The following HYDIN variants were observed in gnomAD, a reference collection of about 807,000 sequenced individuals.
HYDIN encodes the protein axonemal central pair apparatus protein HYDIN.
In HYDIN, 132 loss-of-function variants were observed where a neutral mutation model predicts 403.9. The ratio of observed to expected loss-of-function variants is 0.33; its 90% CI spans 0.28 to 0.38. The LOEUF (loss-of-function observed/expected upper bound fraction) is 0.38, where lower values mean the gene tolerates loss of function less well. Ranked by LOEUF, HYDIN falls within the 10% of genes least tolerant of loss-of-function variation. The probability of loss-of-function intolerance (pLI) is 1.00; values close to 1 mark genes in which losing one functional copy is unlikely to be tolerated. For synonymous variants in HYDIN, 1,202 were observed against 1,891.7 expected, an observed-to-expected ratio of 0.64 and a Z score of 9.46; for missense variants, 2,827 against 5,009.5, an observed-to-expected ratio of 0.56 and a Z score of 13.15.
At chr16:71,001,928 T>C (rs908632667) in intron 23 of HYDIN, among the ~76,000 whole-genome samples, 2 of 152,270 alleles carry the variant, frequency 1.3e-5, no homozygotes, top group African/African-American at 2.4e-5. Flanking sequence ...TAGTTGTAAA[T>C]GTTTTAATTT....
chr16:71,158,825 G>C (rs868112133), intron 6 of HYDIN, among the ~76,000 whole-genome samples: 2 of 150,316 alleles, frequency 1.3e-5, no homozygotes, highest in Non-Finnish European at 3.0e-5. Flanking sequence ...GGAACTGCAG[G>C]TATGGACCAC....
chr16:71,154,264 A>T (rs1567382796), intron 6 of HYDIN, among the ~76,000 whole-genome samples: 1 of 151,706 alleles, frequency 6.6e-6, no homozygotes, highest in Non-Finnish European at 1.5e-5. Context: ...TTAAGTTTTA[A>T]AAAAAAATTT....
chr16:70,864,382 A>C (rs1436460246), intron 67 of HYDIN, among the ~76,000 whole-genome samples: 15 of 112,976 alleles, frequency 1.3e-4, no homozygotes, highest in Middle Eastern at 4.5e-3. Context: ...AAAAAAAAAA[A>C]AAAACAGGGA....
chr16:71,145,343 C>A (rs1270974681), intron 7 of HYDIN, among the ~76,000 whole-genome samples: 21 of 151,942 alleles, frequency 1.4e-4, no homozygotes, highest in African/African-American at 5.1e-4. Flanking sequence ...TAACCTCCGA[C>A]TCCCTGGTTC....
chr16:71,210,610 C>T (rs1045219219), intron 1 of HYDIN, among the ~76,000 whole-genome samples: 5 of 151,808 alleles, frequency 3.3e-5, no homozygotes, highest in East Asian at 1.9e-4. Context: ...CCCCAAATCA[C>T]GAGTTTCTTA....
intron 53 of HYDIN, among the ~76,000 whole-genome samples, chr16:70,896,540 G>C (rs553987206): frequency 1.7e-3 from 257 of 151,902 alleles, no homozygotes; most frequent in African/African-American, 5.9e-3. Flanking sequence ...GTTTTTTATA[G>C]AGATGGGGTT....
At position 71,098,733 on chromosome 16, in the gene HYDIN, TAA is replaced by T. The variant is rs56001948; in HGVS notation, c.1328-4800_1328-4799del. ...CATCTGTTACCTTGACTGCCTTTCTTAAAAAAAAAAAAAAAAAAAAAAAGGAG... is the reference window on the plus strand; with the variant it reads ...CATCTGTTACCTTGACTGCCTTTCTTAAAAAAAAAAAAAAAAAAAAAGGAG... On this transcript the variant is annotated intron_variant, in intron 10 of 85. Transcript: ENST00000393567. Among the ~76,000 whole-genome samples the T allele has an allele frequency of 9.4e-5, 12 of 128,154 alleles. No individual in the cohort carries two copies. In the South Asian group the frequency reaches 1.2e-3, roughly 13 times the overall value. The allele number at this position is 128,154 out of a possible 152,430, so 84.1% of individuals were successfully genotyped here.
intron 1 of HYDIN, among the ~76,000 whole-genome samples, chr16:71,229,037 T>C (rs1212487100): frequency 6.6e-6 from 1 of 151,692 alleles, no homozygotes; most frequent in East Asian, 1.9e-4. Flanking sequence ...ACCATCATTC[T>C]CAGCAAACTA....
Position 71,186,987 on chromosome 16 carries a change from T to A in HYDIN, c.-23-69A>T, listed in dbSNP as rs565448695. On this transcript the variant is annotated intron_variant, in intron 1 of 85. Transcript: ENST00000393567. ...CCTGAATACAGGTCATAATTTTTTTTAAGCTTTTTCAAATACAGGAAGGTT... is the reference window on the plus strand; with the variant it reads ...CCTGAATACAGGTCATAATTTTTTTAAAGCTTTTTCAAATACAGGAAGGTT... 46 of 1,062,178 alleles carry A rather than the reference T, an allele frequency of 4.3e-5. No homozygotes were observed. In the Admixed American group the frequency reaches 6.2e-4, roughly 14 times the overall value. The allele number at this position is 1,062,178 out of a possible 1,614,324, so 65.8% of individuals were successfully genotyped here.
intron 18 of HYDIN, among the ~76,000 whole-genome samples, chr16:71,048,805 C>G (rs74027327): frequency 3.4e-4 from 52 of 152,236 alleles, no homozygotes; most frequent in African/African-American, 1.2e-3. Context: ...ATCTGTACAC[C>G]AAATCCCCAC....
Position 70,947,501 on chromosome 16 carries a change from C to A in HYDIN, c.6532-3552G>T, listed in dbSNP as rs375710613. ...ATCAAGGATATTGGTCTAAAATTCT[C>A]TTTTTTGGTTGTGTCTCTGCCCGGC... On this transcript the variant is annotated intron_variant, in intron 41 of 85. Transcript: ENST00000393567. Among the ~76,000 whole-genome samples the A allele has an allele frequency of 5.6e-4, 84 of 150,990 alleles. No individual in the cohort carries two copies. In the East Asian group the frequency reaches 0.013, roughly 23 times the overall value.
At chr16:71,206,128 C>T (rs564976142) in intron 1 of HYDIN, among the ~76,000 whole-genome samples, 16 of 152,322 alleles carry the variant, frequency 1.1e-4, no homozygotes, top group African/African-American at 3.6e-4. Context: ...GTTTCCAACT[C>T]AGCAGTCCCA....
In HYDIN at chr16:71,230,647, AG is replaced by A. The variant is rs1232466690; in HGVS notation, c.-110del. 7 of 1,535,982 alleles carry A rather than the reference AG, an allele frequency of 4.6e-6. No individual in the cohort carries two copies. Among genetic ancestry groups the A allele is most frequent in the Non-Finnish European group, 6.1e-6 (7 of 1,146,854 alleles). On this transcript the variant is annotated 5_prime_UTR_variant, in exon 1 of 86. The change creates a premature stop within an existing upstream ORF in the 5' untranslated region. Transcript: ENST00000393567. Reference sequence around the variant, plus strand: ...CAACTCACAGACCCCGCCGCCGCTGAGGGGCTCCATACCCAGCTTGAAGCCG... The same window carrying A: ...CAACTCACAGACCCCGCCGCCGCTGAGGGCTCCATACCCAGCTTGAAGCCG...
chr16:71,069,525 A>G (rs2082390049), intron 13 of HYDIN, 23 bp from the exon 14 acceptor site: 4 of 1,603,344 alleles, frequency 2.5e-6, no homozygotes, highest in Non-Finnish European at 3.4e-6. Context: ...ATATGATGTG[A>G]GAAATAAAAG....
chr16:71,216,531 G>T (rs146891541), intron 1 of HYDIN, among the ~76,000 whole-genome samples: 1 of 152,298 alleles, frequency 6.6e-6, no homozygotes, highest in East Asian at 1.9e-4. Context: ...GATGGAGAAG[G>T]ATTCCAGGAT....
intron 35 of HYDIN, among the ~76,000 whole-genome samples, chr16:70,972,838 A>C (rs1006754874): frequency 2.6e-5 from 4 of 152,250 alleles, no homozygotes; most frequent in African/African-American, 9.6e-5. Context: ...GTTGTTGGCA[A>C]TGTTTGACTC....
intron 1 of HYDIN, among the ~76,000 whole-genome samples, chr16:71,189,528 G>A (rs962131660): frequency 6.6e-6 from 1 of 152,120 alleles, no homozygotes; most frequent in Non-Finnish European, 1.5e-5. Context: ...AGCACTTTGG[G>A]AGGCCGAGGC....
intron 3 of HYDIN, among the ~76,000 whole-genome samples, chr16:71,181,712 G>A (rs748199814): frequency 6.6e-6 from 1 of 152,140 alleles, no homozygotes; most frequent in Non-Finnish European, 1.5e-5. Flanking sequence ...AGTTAGGAGA[G>A]ATTAAAAATT....
intron 23 of HYDIN, among the ~76,000 whole-genome samples, chr16:71,007,013 T>TC (rs1437939695): frequency 1.5e-5 from 1 of 67,704 alleles, no homozygotes; most frequent in Non-Finnish European, 2.8e-5. Flanking sequence ...CCTCCCTCCC[T>TC]CCCTCCCTTC....
Sources: allele counts gnomAD v4.1 joint callset (sites outside exome capture counted in the v4.1 genomes callset), GRCh38; gene constraint gnomAD v4.1.1; transcripts MANE v1.5; gene names NCBI Gene and HGNC (gene_info 2026-07-23, HGNC 2026-07-21).